PSD3: variants seen among roughly 807,000 people sequenced by gnomAD.
The protein encoded by PSD3 is pleckstrin and Sec7 domain containing 3, also known as PH and SEC7 domain-containing protein 3.
Under a neutral mutation model 105.5 loss-of-function variants are expected in PSD3, and 49 were observed. The ratio of observed to expected loss-of-function variants is 0.46; its 90% CI spans 0.37 to 0.59. The LOEUF (loss-of-function observed/expected upper bound fraction) is 0.59, where lower values mean the gene tolerates loss of function less well. Among genes scored for constraint, PSD3 ranks in the 20% least tolerant of loss-of-function variants. The pLI is 0.00. For synonymous variants in PSD3, 557 were observed against 457.8 expected (o/e 1.22, Z -2.77); for missense variants, 1,561 against 1,263.8 (o/e 1.24, Z -3.57).
intron 4 of PSD3, among the ~76,000 whole-genome samples, chr8:18,844,624 C>A (rs755993028): frequency 6.6e-6 from 1 of 152,256 alleles, no homozygotes; most frequent in Non-Finnish European, 1.5e-5. Context: ...CTAGAACATA[C>A]TGGATTTGTT....
At chr8:18,706,350 T>C (rs547843973) in intron 9 of PSD3, among the ~76,000 whole-genome samples, 14 of 152,356 alleles carry the variant, frequency 9.2e-5, no homozygotes, top group East Asian at 7.7e-4. Context: ...GTTTTGCTTA[T>C]TTATATTTCC....
intron 12 of PSD3, among the ~76,000 whole-genome samples, chr8:18,580,093 C>T (rs1005660562): frequency 2.0e-5 from 3 of 151,984 alleles, no homozygotes; most frequent in African/African-American, 7.3e-5. Flanking sequence ...TTAAAAAATG[C>T]TAAGTATGTC....
intron 10 of PSD3, among the ~76,000 whole-genome samples, chr8:18,651,259 A>G (rs1213445595): frequency 6.6e-6 from 1 of 152,192 alleles, no homozygotes; most frequent in Non-Finnish European, 1.5e-5. Context: ...CCCAGTCAGA[A>G]AACCAATGAT....
At chr8:18,838,540 G>GCCTGTAATC (rs1814326608) in intron 4 of PSD3, among the ~76,000 whole-genome samples, 2 of 152,204 alleles carry the variant, frequency 1.3e-5, no homozygotes, top group African/African-American at 4.8e-5. Context: ...GGTGGCTCAT[G>GCCTGTAATC]CCTGTAATCC....
At chr8:18,852,431 C>A (rs1815660622) in intron 4 of PSD3, among the ~76,000 whole-genome samples, 1 of 152,176 alleles carries the variant, frequency 6.6e-6, no homozygotes, top group African/African-American at 2.4e-5. Flanking sequence ...TGAAAGAACC[C>A]AGACACAATG....
chr8:18,867,385 C>T (rs915923877), intron 4 of PSD3, among the ~76,000 whole-genome samples: 1 of 152,172 alleles, frequency 6.6e-6, no homozygotes, highest in African/African-American at 2.4e-5. Context: ...CTGCCATCAT[C>T]GGAGCTGATA....
chr8:18,779,638 T>C (rs972967960), intron 8 of PSD3, among the ~76,000 whole-genome samples: 3 of 152,190 alleles, frequency 2.0e-5, no homozygotes, highest in Non-Finnish European at 4.4e-5. Flanking sequence ...ATATGTTGTG[T>C]TCCCATTTTG....
chr8:18,785,339 C>G (rs1411867675), intron 8 of PSD3, among the ~76,000 whole-genome samples: 1 of 152,178 alleles, frequency 6.6e-6, no homozygotes, highest in Non-Finnish European at 1.5e-5. Context: ...TGCTGCTCCA[C>G]CAAGCATTTT....
At chr8:18,762,065 C>T (rs954334811) in intron 9 of PSD3, among the ~76,000 whole-genome samples, 1 of 152,096 alleles carries the variant, frequency 6.6e-6, no homozygotes, top group African/African-American at 2.4e-5. Flanking sequence ...CTTCAAAAGG[C>T]CATCTGACAT....
chr8:19,033,776 C>T (rs1827850050), intron 1 of PSD3, among the ~76,000 whole-genome samples: 1 of 151,966 alleles, frequency 6.6e-6, no homozygotes, highest in African/African-American at 2.4e-5. Context: ...CACCACAGCC[C>T]CACAAACAAC....
chr8:18,905,856 T>A (rs1202986728), intron 2 of PSD3, among the ~76,000 whole-genome samples: 1 of 152,150 alleles, frequency 6.6e-6, no homozygotes, highest in Non-Finnish European at 1.5e-5. Context: ...CTATACTTAC[T>A]AAGATTAAAG....
intron 4 of PSD3, among the ~76,000 whole-genome samples, chr8:18,851,540 G>C (rs1392743196): frequency 2.6e-5 from 4 of 152,212 alleles, no homozygotes; most frequent in Non-Finnish European, 5.9e-5. Context: ...TCTCCTACAG[G>C]AACTCTGGGT....
At chr8:18,798,376 C>T (rs1810375138) in intron 8 of PSD3, among the ~76,000 whole-genome samples, 1 of 152,068 alleles carries the variant, frequency 6.6e-6, no homozygotes, top group Non-Finnish European at 1.5e-5. Context: ...CTCCTGTTTG[C>T]TTTCTGGTGG....
chr8:18,727,580 A>ACACACACG (rs1554482141), intron 9 of PSD3, among the ~76,000 whole-genome samples: 3 of 148,556 alleles, frequency 2.0e-5, no homozygotes, highest in Non-Finnish European at 4.5e-5. Context: ...ACACACACAC[A>ACACACACG]CACGCACGCA....
At chr8:18,694,776 G>C (rs1801170301) in intron 9 of PSD3, among the ~76,000 whole-genome samples, 1 of 151,330 alleles carries the variant, frequency 6.6e-6, no homozygotes, top group Admixed American at 6.6e-5. Context: ...TTGAGCTCAG[G>C]AGCTCAAGAC....
intron 1 of PSD3, among the ~76,000 whole-genome samples, chr8:19,036,374 T>G (rs992386473): frequency 6.6e-6 from 1 of 152,040 alleles, no homozygotes; most frequent in African/African-American, 2.4e-5. Flanking sequence ...CTGTCCTAGG[T>G]TGAAATTTTG....
chr8:18,912,852 A>G (rs115943949), intron 2 of PSD3, among the ~76,000 whole-genome samples: 7,561 of 152,202 alleles, frequency 0.05, 205 homozygotes, highest in Admixed American at 0.081. Flanking sequence ...TTTTCATGCA[A>G]CAGGAAATAC....
intron 11 of PSD3, among the ~76,000 whole-genome samples, chr8:18,622,675 G>T (rs13269765): frequency 0.41 from 61,811 of 151,972 alleles, 12,962 homozygotes; most frequent in Middle Eastern, 0.53. Context: ...ATTACCACAA[G>T]GAAGCTAACT....
chr8:18,940,482 C>G (rs1200792435), intron 1 of PSD3: 7 of 152,210 alleles, frequency 4.6e-5, no homozygotes, highest in African/African-American at 1.4e-4. Flanking sequence ...AAAGGGACTG[C>G]TCGACCTAGA....
Sources: allele counts gnomAD v4.1 joint callset (sites outside exome capture counted in the v4.1 genomes callset), GRCh38; gene constraint gnomAD v4.1.1; transcripts MANE v1.5; gene names NCBI Gene and HGNC (gene_info 2026-07-23, HGNC 2026-07-21).